Variants in DEFB1 observed in about 807,000 individuals in gnomAD.
The protein encoded by DEFB1 is beta-defensin 1.
Under a neutral mutation model 2.6 loss-of-function variants are expected in DEFB1, and 4 were observed. The observed-to-expected ratio is 1.53, with a 90% CI of 0.76 to 3.51. The LOEUF is 3.51. Among genes scored for constraint, DEFB1 ranks in the 30% most tolerant of loss-of-function variants. The pLI, the probability that DEFB1 is intolerant of heterozygous loss-of-function variation, is 0.01. For missense variants in DEFB1, 162 were observed against 76.9 expected, an observed-to-expected ratio of 2.11 and a Z score of -4.14; for synonymous variants, 56 against 28.5, an observed-to-expected ratio of 1.96 and a Z score of -3.07.
chr8:6,872,554 C>T lies in DEFB1; in HGVS notation c.62-1728G>A, dbSNP rs56404452. On this transcript the variant is annotated intron_variant, in intron 1 of 1. Coordinates refer to ENST00000297439, the MANE Select transcript of DEFB1 (RefSeq NM_005218.4). ...AGAATGAAGAGGTTTGGGAAGGGCC[C>T]GGAAACCAGGCATTGAGGAGAATGA... Among the ~76,000 whole-genome samples the T allele has an allele frequency of 1.3e-3, 194 of 152,162 alleles. 1 individual carries two copies. Among genetic ancestry groups the T allele is most frequent in the South Asian group, 8.1e-3 (39 of 4,804 alleles).
chr8:6,871,495 G>T (rs779687281), intron 1 of DEFB1, among the ~76,000 whole-genome samples: 6 of 152,150 alleles, frequency 3.9e-5, no homozygotes, highest in Admixed American at 3.9e-4. Flanking sequence ...CCTGGCGAGG[G>T]ACCAGCAGGC....
Position 6,877,924 on chromosome 8 carries a change from C to T in DEFB1, c.-67G>A. On this transcript the variant is annotated 5_prime_UTR_variant, in exon 1 of 2. Coordinates refer to ENST00000297439, the MANE Select transcript of DEFB1 (RefSeq NM_005218.4). ...GACGCTGGCTCCTTTGGAGGCTGAG[C>T]TGACAGAGGCTTCCAGAGGCTGGAG... 1 of 1,429,486 alleles carries T rather than the reference C, an allele frequency of 7.0e-7. No individual in the cohort carries two copies. Among genetic ancestry groups the T allele is most frequent in the Non-Finnish European group, 9.9e-7 (1 of 1,012,922 alleles). The allele number at this position is 1,429,486 out of a possible 1,614,324, so 88.6% of individuals were successfully genotyped here. A position where few individuals can be genotyped will look rare whatever the true frequency, so the allele number is the denominator to read the frequency against.
At chr8:6,871,232 C>T (rs1402736458) in intron 1 of DEFB1, among the ~76,000 whole-genome samples, 1 of 152,224 alleles carries the variant, frequency 6.6e-6, no homozygotes, top group Non-Finnish European at 1.5e-5. Context: ...TCCCTCCTTC[C>T]ATGCCTTCAG....
chr8:6,873,661 C>A (rs934850085), intron 1 of DEFB1, among the ~76,000 whole-genome samples: 3 of 148,846 alleles, frequency 2.0e-5, no homozygotes, highest in Non-Finnish European at 4.5e-5. Context: ...CACTGAGACA[C>A]TGGGGGCTAC....
In DEFB1 at chr8:6,870,873, C is replaced by T. The variant is rs186160307; in HGVS notation, c.62-47G>A. On this transcript the variant is annotated intron_variant, in intron 1 of 1. Coordinates refer to ENST00000297439, the MANE Select transcript of DEFB1 (RefSeq NM_005218.4). ...ACTTCAGACTCATGGCTTGTAGCTGCAACGATTTGAGAACATCTCGCGAAA... is the reference window on the plus strand; with the variant it reads ...ACTTCAGACTCATGGCTTGTAGCTGTAACGATTTGAGAACATCTCGCGAAA... The T allele has an allele frequency of 9.0e-6, 14 of 1,564,218 alleles. No individual in the cohort carries two copies. The Admixed American group carries it at 9.8e-5, about 11-fold the overall frequency.
chr8:6,870,921 A>C, intron 1 of DEFB1, 95 bp from the exon 2 acceptor site: 3 of 1,336,154 alleles, frequency 2.2e-6, no homozygotes, highest in Non-Finnish European at 2.0e-6. Context: ...ACTGCAAAAC[A>C]CCGGAGAGTC....
In DEFB1 at chr8:6,877,400, C is replaced by G. The variant is rs559974691; in HGVS notation, c.61+397G>C. On this transcript the variant is annotated intron_variant, in intron 1 of 1. Coordinates refer to ENST00000297439, the MANE Select transcript of DEFB1 (RefSeq NM_005218.4). ...AGCACCTCACCTGTACCAGGGCACCCCAGGAGGCTGCACCCAGTGACGTGG... is the reference window on the plus strand; with the variant it reads ...AGCACCTCACCTGTACCAGGGCACCGCAGGAGGCTGCACCCAGTGACGTGG... Among the ~76,000 whole-genome samples the G allele has an allele frequency of 2.0e-5, 3 of 152,348 alleles. No homozygotes were observed. In the East Asian group the frequency reaches 5.8e-4, roughly 29 times the overall value.
rs1003902352 is a variant in DEFB1 at position 6,870,895 on chromosome 8, G to A, written c.62-69C>T. 281 of 1,513,248 alleles carry A rather than the reference G, an allele frequency of 1.9e-4. 2 individuals are homozygous for A. In the Middle Eastern group the frequency reaches 2.6e-3, roughly 14 times the overall value. The allele number at this position is 1,513,248 out of a possible 1,614,324, so 93.7% of individuals were successfully genotyped here. On this transcript the variant is annotated intron_variant, in intron 1 of 1. Transcript: ENST00000297439. ...CTGCAACGATTTGAGAACATCTCGC[G>A]AAAGCAGAACAAATAACTGCAAAAC...
intron 1 of DEFB1, among the ~76,000 whole-genome samples, chr8:6,875,110 C>CACA (rs1563397732): frequency 5.5e-4 from 79 of 143,342 alleles, no homozygotes; most frequent in African/African-American, 1.9e-3. Context: ...ACACACACAC[C>CACA]CCATTGCCAG....
At chr8:6,872,004 C>G (rs976205325) in intron 1 of DEFB1, among the ~76,000 whole-genome samples, 5 of 152,140 alleles carry the variant, frequency 3.3e-5, no homozygotes, top group African/African-American at 4.8e-5. Flanking sequence ...GGCTTTCACA[C>G]CGATGGAAAT....
intron 1 of DEFB1, among the ~76,000 whole-genome samples, chr8:6,876,119 T>C (rs1386760750): frequency 6.6e-6 from 1 of 152,088 alleles, no homozygotes; most frequent in African/African-American, 2.4e-5. Context: ...CAAACTGAAA[T>C]ATGGGTGTAA....
chr8:6,874,680 C>G (rs1240284301), intron 1 of DEFB1, among the ~76,000 whole-genome samples: 2 of 152,120 alleles, frequency 1.3e-5, no homozygotes, highest in South Asian at 2.1e-4. Flanking sequence ...GAAAAATAGT[C>G]TTATCAACAG....
chr8:6,875,317 T>C (rs1806483794), intron 1 of DEFB1, among the ~76,000 whole-genome samples: 1 of 152,088 alleles, frequency 6.6e-6, no homozygotes, highest in South Asian at 2.1e-4. Flanking sequence ...AAAGTTTCCA[T>C]TAAGAGAGTG....
At chr8:6,877,324 C>T (rs556468540) in intron 1 of DEFB1, among the ~76,000 whole-genome samples, 137 of 152,312 alleles carry the variant, frequency 9.0e-4, no homozygotes, top group African/African-American at 3.1e-3. Context: ...CCTGCCTGCA[C>T]AGGAGGTGAG....
chr8:6,877,750 G>T (rs769905698), intron 1 of DEFB1, 47 bp downstream of exon 1: 7 of 1,530,168 alleles, frequency 4.6e-6, no homozygotes, highest in Non-Finnish European at 6.3e-6. Context: ...CAGCCCCATT[G>T]TCCCCAGCCC....
In DEFB1 at chr8:6,870,655, C is replaced by T. The variant is rs1800970; in HGVS notation, c.*26G>A. 9,283 of 1,600,594 alleles carry T rather than the reference C, an allele frequency of 5.8e-3. 409 individuals carry two copies. The African/African-American group carries it at 0.097, about 17-fold the overall frequency. On this transcript the variant is annotated 3_prime_UTR_variant, in exon 2 of 2. Coordinates refer to ENST00000297439, the MANE Select transcript of DEFB1 (RefSeq NM_005218.4). ...TTATAAAAAGTTCATTTCACTTCTGCGTCATTTCTTCTGGTCACTCCCAGC... is the reference window on the plus strand; with the variant it reads ...TTATAAAAAGTTCATTTCACTTCTGTGTCATTTCTTCTGGTCACTCCCAGC...
chr8:6,871,659 T>C (rs539590533), intron 1 of DEFB1, among the ~76,000 whole-genome samples: 2 of 152,288 alleles, frequency 1.3e-5, no homozygotes, highest in Admixed American at 6.5e-5. Context: ...AACACGGTCA[T>C]TGGGGTGTGC....
intron 1 of DEFB1, among the ~76,000 whole-genome samples, chr8:6,874,240 C>T (rs138809424): frequency 6.6e-6 from 1 of 152,028 alleles, no homozygotes; most frequent in Non-Finnish European, 1.5e-5. Flanking sequence ...GAAACAAAAG[C>T]AGGAACATCA....
chr8:6,871,535 G>A (rs146230671), intron 1 of DEFB1, among the ~76,000 whole-genome samples: 31 of 152,264 alleles, frequency 2.0e-4, no homozygotes, highest in African/African-American at 6.3e-4. Context: ...ACTGGTAGGC[G>A]TTTTGGACTG....
Sources: allele counts gnomAD v4.1 joint callset (sites outside exome capture counted in the v4.1 genomes callset), GRCh38; gene constraint gnomAD v4.1.1; transcripts MANE v1.5; gene names NCBI Gene and HGNC (gene_info 2026-07-23, HGNC 2026-07-21).